ABCB9: variants seen among roughly 807,000 people sequenced by gnomAD.
ABCB9 encodes the protein ABC-type oligopeptide transporter ABCB9.
A neutral mutation model predicts 62.0 loss-of-function variants in ABCB9; 36 were observed. The ratio of observed to expected loss-of-function variants is 0.58; its 90% CI spans 0.45 to 0.77. The LOEUF is 0.77. Among genes scored for constraint, ABCB9 ranks in the 30% least tolerant of loss-of-function variants. The pLI is 0.00. For missense variants in ABCB9, 943 were observed against 1,054.7 expected, an observed-to-expected ratio of 0.89 and a Z score of 1.47; for synonymous variants, 435 against 461.4, an observed-to-expected ratio of 0.94 and a Z score of 0.73.
rs1463443824 is a variant in ABCB9 at position 122,946,158 on chromosome 12, C to T, written c.1118G>A (p.Ser373Asn). 6.2e-7 allele frequency: 1 copy of T among 1,614,198 alleles called. No individual in the cohort carries two copies. The highest frequency in any genetic ancestry group is 8.5e-7 in the Non-Finnish European group (1 of 1,180,046). The change falls in exon 6 of 12, where the codon AGT becomes AAT. Residue 373 changes from serine to asparagine, a missense_variant. By Grantham distance (46) the Ser-to-Asn change is conservative. Coordinates refer to ENST00000280560, the MANE Select transcript of ABCB9 (RefSeq NM_019625.4). ...GAAGCTCCGGACAGTCTTCATGGCA[C>T]TGATGGTCTCCTCCGCCGTGTTGCT... ...RASNTAEETI[S>N]AMKTVRSFAN...
At chr12:122,928,742 G>A (rs990350636), downstream of ABCB9, among the ~76,000 whole-genome samples, 1 of 152,242 alleles carries the variant, frequency 6.6e-6, no homozygotes. Context: ...GAAGCACAGA[G>A]GCCCCTGGGA....
rs1320385194 is a variant in ABCB9, at chr12:122,947,478, G to A, written c.1053+1146C>T. 4.4e-6 allele frequency: 2 copies of A among 454,858 alleles called. No homozygotes were observed. Among genetic ancestry groups the A allele is most frequent in the Admixed American group, 2.4e-5 (1 of 42,496 alleles). The allele number at this position is 454,858 out of a possible 1,614,324, so 28.2% of individuals were successfully genotyped here. A position where few individuals can be genotyped will look rare whatever the true frequency, so the allele number is the denominator to read the frequency against. On this transcript the variant is annotated intron_variant, in intron 5 of 11. Transcript: ENST00000280560. This position sits in a 1 kb window ranked among gnomAD's most constrained non-coding sequence, Gnocchi z 6.0. ...ATGGAGCTGCGACAATGACTTACCC[G>A]GCACCACCTGGAGGCCGTCATGCAT...
At chr12:122,935,246 G>A in intron 10 of ABCB9, 26 bp downstream of exon 10, 2 of 1,585,084 alleles carry the variant, frequency 1.3e-6, no homozygotes, top group Non-Finnish European at 1.7e-6. Context: ...GTGGGCCCAG[G>A]AGAGGGGCCA....
Position 122,923,388 on chromosome 12 carries a change from C to T in ABCB9, c.2041-2345G>A, listed in dbSNP as rs896954976. 2.0e-5 allele frequency among the ~76,000 whole-genome samples: 3 copies of T among 152,124 alleles called. 1 individual carries two copies. The highest frequency in any genetic ancestry group is 4.1e-4 in the South Asian group (2 of 4,830). ...CTGCAAGCTCCGCCTCCCGGGTTCA[C>T]GCCATTCTCCTGCTCAGCCTCCCGA... On this transcript the variant is annotated intron_variant, in intron 11 of 11. Transcript: ENST00000344275.
At chr12:122,938,531 C>CAAAAAAAAA (rs2035572513) in intron 9 of ABCB9, among the ~76,000 whole-genome samples, 1 of 146,904 alleles carries the variant, frequency 6.8e-6, no homozygotes, top group Non-Finnish European at 1.5e-5. Context: ...GACCCTTTCT[C>CAAAAAAAAA]AAAAAAATAA....
At chr12:122,950,871 G>T (rs1032135621) in intron 2 of ABCB9, 1 of 305,288 alleles carries the variant, frequency 3.3e-6, no homozygotes, top group East Asian at 6.1e-5. Flanking sequence ...TTGAGACAGG[G>T]TCTCGCTGTG....
chr12:122,959,585 C>T lies in ABCB9; in HGVS notation c.601+50G>A. 3 of 1,511,332 alleles carry T rather than the reference C, an allele frequency of 2.0e-6. No individual in the cohort carries two copies. The highest frequency in any genetic ancestry group is 1.3e-5 in the South Asian group (1 of 74,780). The allele number at this position is 1,511,332 out of a possible 1,614,324, so 93.6% of individuals were successfully genotyped here. A position where few individuals can be genotyped will look rare whatever the true frequency, so the allele number is the denominator to read the frequency against. On this transcript the variant is annotated intron_variant, in intron 2 of 11. Transcript: ENST00000280560. The surrounding 1 kb of genome is among the most constrained non-coding windows in gnomAD (Gnocchi z 5.4). ...TTTTAAAATCTAAGGCAGTCATATC[C>T]ACCTAATTTGATGTTCTGGTGGCCA...
chr12:122,949,669 CAGG>C lies in ABCB9; in HGVS notation c.847+116_847+118del, dbSNP rs557662555. The C allele has an allele frequency of 8.1e-4, 1,082 of 1,330,896 alleles. 2 individuals carry two copies. The African/African-American group carries it at 0.014, about 17-fold the overall frequency. 82.4% of individuals were successfully genotyped at this position (1,330,896 alleles called of 1,614,324 possible). A position where few individuals can be genotyped will look rare whatever the true frequency, so the allele number is the denominator to read the frequency against. ...GGGTGTTCCCAGCCTGAACTAACAG[CAGG>C]AGGAGAAGACAGAGGGCTGAGACCA... On this transcript the variant is annotated intron_variant, in intron 4 of 11. Transcript: ENST00000280560.
chr12:122,948,700 C>A lies in ABCB9; in HGVS notation c.977G>T (p.Trp326Leu), dbSNP rs2036186163. The A allele has an allele frequency of 6.2e-7, 1 of 1,613,916 alleles. No homozygotes were observed. The highest frequency in any genetic ancestry group is 1.3e-5 in the African/African-American group (1 of 74,914). ...GVVVFMFSLS[W>L]QLSLVTFMGF... ...CATGAAGGTGACCAAGGAGAGCTGC[C>A]ATGAGAGGCTGAACATGAAGACCAC... The change falls in exon 5 of 12, where the codon TGG becomes TTG. Residue 326 changes from tryptophan to leucine, a missense_variant. Transcript: ENST00000280560.
At chr12:122,966,930 G>A (rs1463726061), upstream of ABCB9, among the ~76,000 whole-genome samples, 1 of 152,220 alleles carries the variant, frequency 6.6e-6, no homozygotes, top group African/African-American at 2.4e-5. Context: ...TGCCTACGGC[G>A]TGCCATATGC....
chr12:122,975,017 A>C, exon 1 of ABCB9: 2 of 421,460 alleles, frequency 4.7e-6, no homozygotes. Flanking sequence ...AAGTGGAGCC[A>C]TTAGTCCCTG....
chr12:122,946,438 G>T, intron 5 of ABCB9: 1 of 588,408 alleles, frequency 1.7e-6, no homozygotes, highest in Non-Finnish European at 3.0e-6. Flanking sequence ...AGGCTCTTGG[G>T]GCAATGGTTT....
In ABCB9 at chr12:122,929,856, T is replaced by A. The variant is rs1018353661; in HGVS notation, c.*55A>T. 4.1e-6 allele frequency: 6 copies of A among 1,478,894 alleles called. No individual in the cohort carries two copies. The highest frequency in any genetic ancestry group is 5.4e-6 in the Non-Finnish European group (6 of 1,118,400). 91.6% of individuals were successfully genotyped at this position (1,478,894 alleles called of 1,614,324 possible). On this transcript the variant is annotated 3_prime_UTR_variant, in exon 12 of 12. Transcript: ENST00000280560. This position sits in a 1 kb window ranked among gnomAD's most constrained non-coding sequence, Gnocchi z 6.0. ...GCAGCTGGGGGCCTCCGTGGGCACATCTGCCAGGCAGGCACCGGGTCCTCT... is the reference window on the plus strand; with the variant it reads ...GCAGCTGGGGGCCTCCGTGGGCACAACTGCCAGGCAGGCACCGGGTCCTCT...
At chr12:122,949,456 T>C (rs2135857161) in intron 4 of ABCB9, 1 of 255,272 alleles carries the variant, frequency 3.9e-6, no homozygotes, top group East Asian at 8.0e-5. Flanking sequence ...CTGACCCCCA[T>C]GGGAGCAGGG....
intron 9 of ABCB9, 140 bp from the exon 10 acceptor site, chr12:122,935,571 C>A (rs2035420101): frequency 1.0e-6 from 1 of 996,186 alleles, no homozygotes; most frequent in Non-Finnish European, 1.4e-6. Context: ...CTGCACTGAG[C>A]TGCCTCTCTT....
At chr12:122,928,672 C>A (rs1227288286), downstream of ABCB9, among the ~76,000 whole-genome samples, 1 of 151,896 alleles carries the variant, frequency 6.6e-6, no homozygotes, top group African/African-American at 2.4e-5. Flanking sequence ...GTGTCGGGTG[C>A]CTGGGCCCCG....
In ABCB9 at chr12:122,936,518, C is replaced by T. The variant is rs569428839; in HGVS notation, c.1744-1087G>A. 5.3e-5 allele frequency among the ~76,000 whole-genome samples: 8 copies of T among 152,244 alleles called. No homozygotes were observed. The South Asian group carries it at 1.2e-3, about 24-fold the overall frequency. On this transcript the variant is annotated intron_variant, in intron 9 of 11. Transcript: ENST00000280560. The stretch of plus-strand genomic sequence containing the variant: ...TGGTGGTTCACACCTGTAACACCAA[C>T]AGTTTGGGAGGCTAAGGTGGGAGGA...
chr12:122,965,039 T>C (rs563525440), intron 1 of ABCB9, among the ~76,000 whole-genome samples: 17 of 152,252 alleles, frequency 1.1e-4, no homozygotes, highest in Admixed American at 1.0e-3. Flanking sequence ...ATTATGACAC[T>C]GCAACAGAGA....
At chr12:122,933,556 GAA>G (rs781294476) in intron 10 of ABCB9, among the ~76,000 whole-genome samples, 2 of 126,600 alleles carry the variant, frequency 1.6e-5, no homozygotes, top group Non-Finnish European at 3.4e-5. Flanking sequence ...TCCATCTCAA[GAA>G]AAAAAAAAAA....
Sources: gnomAD v4.1 joint callset for allele counts (sites outside exome capture counted in the v4.1 genomes callset) on GRCh38, gnomAD v4.1.1 for gene constraint, Gnocchi (gnomAD v3.1) non-coding constraint, MANE v1.5 for transcripts, NCBI Gene and HGNC (gene_info 2026-07-23, HGNC 2026-07-21) for gene names.